The following KAT5 variants were observed in gnomAD, a reference collection of about 807,000 sequenced individuals.
The protein encoded by KAT5 is lysine acetyltransferase 5.
KAT5 carries 31 observed loss-of-function variants against 68.1 expected under a neutral mutation model. The ratio of observed to expected loss-of-function variants is 0.46; its 90% CI spans 0.34 to 0.61. The LOEUF is 0.61. KAT5 is among the 20% of genes least tolerant of loss of function. The pLI is 0.01. For missense variants in KAT5, 451 were observed against 725.5 expected (o/e 0.62, Z 4.35); for synonymous variants, 365 against 292.6 (o/e 1.25, Z -2.52).
At chr11:65,717,053 T>A (rs905526802) in intron 10 of KAT5, 71 bp downstream of exon 10, 3 of 1,197,682 alleles carry the variant, frequency 2.5e-6, no homozygotes, top group Non-Finnish European at 3.7e-6. Flanking sequence ...TGGGCCAGGC[T>A]ACTGTGATTC....
intron 8 of KAT5, chr11:65,716,460 C>T: frequency 1.7e-6 from 1 of 587,530 alleles, no homozygotes; most frequent in Non-Finnish European, 3.0e-6. Context: ...CACCATCACA[C>T]ATCTGGCACA....
Position 65,718,755 on chromosome 11 carries a change from C to T in KAT5, c.1424+6C>T, listed in dbSNP as rs768861396. ...AGGCCACAGATCACCATCAAGTGAG[C>T]CTGGCGCTGTCTACCTGGGGGTACA... On this transcript the variant is annotated splice_donor_region_variant and intron_variant, in intron 11 of 12. Transcript: ENST00000341318. The T allele has an allele frequency of 3.0e-5, 49 of 1,614,096 alleles. No individual in the cohort carries two copies. Among genetic ancestry groups the T allele is most frequent in the Non-Finnish European group, 4.0e-5 (47 of 1,179,996 alleles).
At chr11:65,713,178 A>C (rs1201324454) in intron 3 of KAT5, 120 bp downstream of exon 3, 8 of 1,406,180 alleles carry the variant, frequency 5.7e-6, no homozygotes, top group Non-Finnish European at 7.9e-6. Flanking sequence ...CATCTTGCAA[A>C]GGATGGGGGC....
In KAT5 at chr11:65,719,128, T is replaced by TC; in HGVS notation, c.1590dup (p.Lys531GlnfsTer48). 1 of 1,614,162 alleles carries TC rather than the reference T, an allele frequency of 6.2e-7. No homozygotes were observed. Among genetic ancestry groups the TC allele is most frequent in the Non-Finnish European group, 8.5e-7 (1 of 1,180,024 alleles). Reference sequence around the variant, plus strand: ...GCTCAAGCGGCTCCTGCGGATCGACTCCAAGTGTCTGCACTTCACTCCCAA... The same window carrying TC: ...GCTCAAGCGGCTCCTGCGGATCGACTCCCAAGTGTCTGCACTTCACTCCCAA... On this transcript the variant is annotated frameshift_variant, in exon 13 of 13. Transcript: ENST00000341318. LOFTEE classifies it high-confidence loss of function.
intron 8 of KAT5, 71 bp from the exon 9 acceptor site, chr11:65,716,596 G>C: frequency 6.8e-7 from 1 of 1,468,810 alleles, no homozygotes. Context: ...TGAAGCTCCT[G>C]GTTGACCCTG....
intron 3 of KAT5, 46 bp from the exon 4 acceptor site, chr11:65,713,302 A>G: frequency 2.5e-6 from 4 of 1,595,222 alleles, no homozygotes; most frequent in Non-Finnish European, 3.4e-6. Flanking sequence ...TCCCCATCCC[A>G]CTGCCATCCC....
intron 11 of KAT5, 58 bp downstream of exon 11, chr11:65,718,807 TTC>T (rs369903559): frequency 3.1e-6 from 5 of 1,613,760 alleles, no homozygotes; most frequent in East Asian, 4.5e-5. Flanking sequence ...TTCCTGGGCT[TTC>T]TCTCTCAGGG....
At chr11:65,718,405 C>A (rs746434462) in intron 10 of KAT5, 185 bp from the exon 11 acceptor site, 12 of 646,050 alleles carry the variant, frequency 1.9e-5, no homozygotes, top group Non-Finnish European at 3.3e-5. Context: ...GCTCAGCGCA[C>A]GGAAAGAGTG....
Position 65,719,317 on chromosome 11 carries a change from T to C in KAT5, c.*136T>C. On this transcript the variant is annotated 3_prime_UTR_variant, in exon 13 of 13. Coordinates refer to ENST00000341318, the MANE Select transcript of KAT5 (RefSeq NM_182710.3). ...CAGCTCAAAAAGGAGAGGACAGGCC[T>C]GGCAGGGGCCCACTGGTGCCCAGCA... 1 of 1,108,030 alleles carries C rather than the reference T, an allele frequency of 9.0e-7. No individual in the cohort carries two copies. Among genetic ancestry groups the C allele is most frequent in the Non-Finnish European group, 1.3e-6 (1 of 793,672 alleles). The allele number at this position is 1,108,030 out of a possible 1,614,324, so 68.6% of individuals were successfully genotyped here.
At chr11:65,714,773 C>A (rs781584699) in intron 7 of KAT5, 30 bp downstream of exon 7, 1 of 1,614,192 alleles carries the variant, frequency 6.2e-7, no homozygotes, top group Non-Finnish European at 8.5e-7. Flanking sequence ...GCTGCCTTCC[C>A]AGCACCCTCC....
chr11:65,713,329 C>T lies in KAT5; in HGVS notation c.385-19C>T, dbSNP rs1857087538. ...TGCCATCCCCGCCCCAAAGGAAGAC[C>T]CTGGACCTATCTCTACAGCCGGCCT... On this transcript the variant is annotated intron_variant, in intron 3 of 12. Coordinates refer to ENST00000341318, the MANE Select transcript of KAT5 (RefSeq NM_182710.3). 1 of 1,613,372 alleles carries T rather than the reference C, an allele frequency of 6.2e-7. No individual in the cohort carries two copies. The highest frequency in any genetic ancestry group is 1.1e-5 in the South Asian group (1 of 91,004).
At chr11:65,714,346 T>C in intron 6 of KAT5, 149 bp from the exon 7 acceptor site, 1 of 847,722 alleles carries the variant, frequency 1.2e-6, no homozygotes, top group Non-Finnish European at 1.8e-6. Context: ...CTTTAGGGTT[T>C]CAGGTTTTTT....
In KAT5 at chr11:65,713,365, C is replaced by T. The variant is rs1857089309; in HGVS notation, c.402C>T (p.Ala134=). ...PEREVPASAQ[A]SGKTLPIPVQ... is the part of the protein sequence containing the mutation. Reference sequence around the variant, plus strand: ...CTCTACAGCCGGCCTCGGCGCAGGCCAGCGGGAAGACCTTGCCAATCCCGG... The same window carrying T: ...CTCTACAGCCGGCCTCGGCGCAGGCTAGCGGGAAGACCTTGCCAATCCCGG... Residue 134 remains alanine, a synonymous_variant, in exon 4 of 13, where the codon GCC becomes GCT. Coordinates refer to ENST00000341318, the MANE Select transcript of KAT5 (RefSeq NM_182710.3). 1 of 1,614,122 alleles carries T rather than the reference C, an allele frequency of 6.2e-7. No individual in the cohort carries two copies. Among genetic ancestry groups the T allele is most frequent in the Non-Finnish European group, 8.5e-7 (1 of 1,180,000 alleles).
rs1317852849 is a variant in KAT5 at position 65,712,314 on chromosome 11, C to T, written c.47C>T (p.Pro16Leu). 3.4e-6 allele frequency: 5 copies of T among 1,481,138 alleles called. No homozygotes were observed. In the African/African-American group the frequency reaches 4.4e-5, roughly 13 times the overall value. The allele number at this position is 1,481,138 out of a possible 1,614,324, so 91.7% of individuals were successfully genotyped here. Residue 16 changes from proline to leucine, a missense_variant, in exon 1 of 13, where the codon CCA (proline) becomes CTA (leucine). Transcript: ENST00000341318. Reference protein sequence around the residue: ...SPVPGAGRREPGEVGRARGPP... With the variant: ...SPVPGAGRRELGEVGRARGPP... ...GTGCCCGGGGCGGGGCGGAGGGAGC[C>T]AGGGGAGGTGGGTAGAGCCCGAGGC...
In KAT5 at chr11:65,713,056, G is replaced by C. The variant is rs751221410; in HGVS notation, c.382G>C (p.Val128Leu). The change falls in exon 3 of 13, where the codon GTG becomes CTG. Residue 128 changes from valine to leucine, a missense_variant and splice_region_variant. Physicochemically the swap from Val to Leu is conservative, Grantham distance 32. This residue lies in a region of KAT5 where 135 missense variants were observed against 173.4 expected (regional missense o/e 0.78). Transcript: ENST00000341318. ...CCGTCCTGGCTCTCCAGAGAGAGAG[G>C]TGGTGAGTAGGTCCCCCACTTCACC... Reference protein sequence around the residue: ...GSRPGSPEREVPASAQASGKT... With the variant: ...GSRPGSPERELPASAQASGKT... 1 of 1,612,740 alleles carries C rather than the reference G, an allele frequency of 6.2e-7. No homozygotes were observed. Among genetic ancestry groups the C allele is most frequent in the South Asian group, 1.1e-5 (1 of 91,014 alleles).
In KAT5 at chr11:65,718,615, G is replaced by C; in HGVS notation, c.1290G>C (p.Gly430=). 1.9e-6 allele frequency: 3 copies of C among 1,614,206 alleles called. No individual in the cohort carries two copies. Among genetic ancestry groups the C allele is most frequent in the Non-Finnish European group, 2.5e-6 (3 of 1,180,034 alleles). The change falls in exon 11 of 13, where the codon GGG becomes GGC. Residue 430 remains glycine (G), a synonymous_variant. Transcript: ENST00000341318. ...GCTATGAACTCTCCAAAGTGGAAGGGAAAACAGGGACCCCTGAGAAGCCCC... is the reference window on the plus strand; with the variant it reads ...GCTATGAACTCTCCAAAGTGGAAGGCAAAACAGGGACCCCTGAGAAGCCCC... ...EFSYELSKVE[G]KTGTPEKPLS...
intron 11 of KAT5, 32 bp from the exon 12 acceptor site, chr11:65,718,841 C>T (rs1288280348): frequency 6.2e-7 from 1 of 1,613,706 alleles, no homozygotes; most frequent in Admixed American, 1.7e-5. Flanking sequence ...AGATAAAGGT[C>T]CTCAGGGAAC....
Position 65,712,344 on chromosome 11 carries a change from C to G in KAT5, c.77C>G (p.Pro26Arg), listed in dbSNP as rs777774982. ...GAGGTGGGTAGAGCCCGAGGCCCCC[C>G]AGTAGCCGACCCTGGCGTCGCGCTG... is the stretch of plus-strand genomic sequence containing the variant. Reference protein sequence around the residue: ...PGEVGRARGPPVADPGVALSP... With the variant: ...PGEVGRARGPRVADPGVALSP... The change falls in exon 1 of 13, where the codon CCA becomes CGA. Residue 26 changes from proline to arginine, a missense_variant. Coordinates refer to ENST00000341318, the MANE Select transcript of KAT5 (RefSeq NM_182710.3). The G allele has an allele frequency of 1.3e-6, 2 of 1,527,874 alleles. No individual in the cohort carries two copies. The highest frequency in any genetic ancestry group is 1.7e-6 in the Non-Finnish European group (2 of 1,148,130). The allele number at this position is 1,527,874 out of a possible 1,614,324, so 94.6% of individuals were successfully genotyped here.
intron 10 of KAT5, chr11:65,717,594 C>G (rs1401769223): frequency 6.3e-6 from 1 of 158,810 alleles, no homozygotes; most frequent in Non-Finnish European, 1.4e-5. Flanking sequence ...CTTGGAATAA[C>G]CAAGCTCTGA....
Sources: allele counts gnomAD v4.1 joint callset, GRCh38; gene constraint gnomAD v4.1.1; regional missense constraint gnomAD v4.1.1; transcripts MANE v1.5; gene names NCBI Gene and HGNC (gene_info 2026-07-23, HGNC 2026-07-21).